Variants in USP11 observed in about 807,000 individuals in gnomAD.
USP11 encodes ubiquitin carboxyl-terminal hydrolase 11.
In USP11, 5 loss-of-function variants were observed where a neutral mutation model predicts 72.8. The observed-to-expected ratio is 0.07, with a 90% CI of 0.04 to 0.14. The LOEUF (loss-of-function observed/expected upper bound fraction) is 0.14, where lower values mean the gene tolerates loss of function less well. Ranked by LOEUF, USP11 falls within the 10% of genes least tolerant of loss-of-function variation. The pLI is 1.00. For synonymous variants in USP11, 368 were observed against 326.5 expected (o/e 1.13, Z -1.37); for missense variants, 480 against 794.7 (o/e 0.60, Z 4.76).
At chrX:47,234,309 CAT>C (rs969063912) in intron 1 of USP11, among the ~76,000 whole-genome samples, 1 of 111,570 alleles carries the variant, frequency 9.0e-6, no homozygotes, top group African/African-American at 3.3e-5. Context: ...CTAAATGCAA[CAT>C]GTGATCCTCG....
rs1171048867 is a variant in USP11, at chrX:47,247,215, C to T, written c.2414C>T (p.Pro805Leu). The T allele has an allele frequency of 8.3e-7, 1 of 1,208,334 alleles. No homozygotes were observed. The highest frequency in any genetic ancestry group is 1.1e-6 in the Non-Finnish European group (1 of 894,825). ...REKLDTLVEF[P>L]IRDLDFSEFV... ...AAGCTGGACACCCTCGTGGAGTTTC[C>T]TATCCGGTCAGGGGCCAGGGAGAGG... The change falls in exon 18 of 21, where the codon CCT becomes CTT. Residue 805 changes from proline (P) to leucine (L), a missense_variant. Around this residue, in one of 5 missense-constraint regions of USP11, gnomAD observed 314 missense variants for 556.0 expected, o/e 0.56. Coordinates refer to ENST00000377107, the MANE Select transcript of USP11 (RefSeq NM_001371072.1).
At chrX:47,245,334 A>C in intron 16 of USP11, 36 bp from the exon 17 acceptor site, 1 of 1,140,442 alleles carries the variant, frequency 8.8e-7, no homozygotes, top group Non-Finnish European at 1.2e-6. Flanking sequence ...CTGTCCTCAC[A>C]GCCGGCCATC....
intron 1 of USP11, among the ~76,000 whole-genome samples, chrX:47,237,291 G>A (rs1272951878): frequency 9.0e-6 from 1 of 110,843 alleles, no homozygotes; most frequent in Non-Finnish European, 1.9e-5. Context: ...TTGAGCCACC[G>A]GCACAGAAGG....
At chrX:47,233,518 G>A in intron 1 of USP11, 1 of 938,418 alleles carries the variant, frequency 1.1e-6, no homozygotes, top group Non-Finnish European at 1.3e-6. Context: ...AAACTGCGTA[G>A]GAACCTGGGA....
At position 47,241,604 on chromosome X, in the gene USP11, C is replaced by T; in HGVS notation, c.1084C>T (p.Leu362=). Residue 362 remains leucine, a synonymous_variant, in exon 9 of 21, where the codon CTG becomes TTG. Coordinates refer to ENST00000377107, the MANE Select transcript of USP11 (RefSeq NM_001371072.1). ...CCAGCAGCATGACTCTCAGGAGCTGCTGTCATTCCTCCTGGACGGGCTGCA... is the reference window on the plus strand; with the variant it reads ...CCAGCAGCATGACTCTCAGGAGCTGTTGTCATTCCTCCTGGACGGGCTGCA... The part of the protein sequence containing the change: ...GYQQHDSQEL[L]SFLLDGLHED... 8.3e-7 allele frequency: 1 copy of T among 1,210,870 alleles called. No individual in the cohort carries two copies. The highest frequency in any genetic ancestry group is 2.3e-4 in the Middle Eastern group (1 of 4,347).
chrX:47,239,409 C>G lies in USP11; in HGVS notation c.345C>G (p.Leu115=), dbSNP rs1369994956. 2 of 1,209,840 alleles carry G rather than the reference C, an allele frequency of 1.7e-6. No homozygotes were observed. Among genetic ancestry groups the G allele is most frequent in the African/African-American group, 3.5e-5 (2 of 57,274 alleles). Residue 115 remains leucine (L), a synonymous_variant, in exon 3 of 21, where the codon CTC becomes CTG. Transcript: ENST00000377107. ...TGGAAGGCGAGGATTATGTGCTGCT[C>G]CCAGCAGCTGCTTGGCATTACCTGG... ...GLVEGEDYVL[L]PAAAWHYLVS...
chrX:47,236,073 G>A (rs2055370609), intron 1 of USP11, among the ~76,000 whole-genome samples: 2 of 111,774 alleles, frequency 1.8e-5, no homozygotes, highest in African/African-American at 6.5e-5. Flanking sequence ...GAACTAGGGA[G>A]AGGTTGTGGT....
In USP11 at chrX:47,247,719, T is replaced by TCCTCCCCTTCTTCCTTTCTGATTCCA; in HGVS notation, c.2625+28_2626-41dup. 5 of 1,208,363 alleles carry TCCTCCCCTTCTTCCTTTCTGATTCCA rather than the reference T, an allele frequency of 4.1e-6. No homozygotes were observed. Among genetic ancestry groups the TCCTCCCCTTCTTCCTTTCTGATTCCA allele is most frequent in the Non-Finnish European group, 5.6e-6 (5 of 893,954 alleles). On this transcript the variant is annotated intron_variant, in intron 20 of 20. Coordinates refer to ENST00000377107, the MANE Select transcript of USP11 (RefSeq NM_001371072.1). ...ATCGAGGTGTGACTTCCATCCTACC[T>TCCTCCCCTTCTTCCTTTCTGATTCCA]CCTCCCCTTCTTCCTTTCTGATTCC...
At position 47,233,036 on chromosome X, in the gene USP11, G is replaced by A; in HGVS notation, c.-8G>A. 2.5e-6 allele frequency: 3 copies of A among 1,211,486 alleles called. No homozygotes were observed. The highest frequency in any genetic ancestry group is 1.1e-6 in the Non-Finnish European group (1 of 895,315). Reference sequence around the variant, plus strand: ...AGCTGCGTTGGCTGTAGAAGAGAACGGACGGCGATGGCGACGGTCGCAGCA... The same window carrying A: ...AGCTGCGTTGGCTGTAGAAGAGAACAGACGGCGATGGCGACGGTCGCAGCA... On this transcript the variant is annotated 5_prime_UTR_variant, in exon 1 of 21. Coordinates refer to ENST00000377107, the MANE Select transcript of USP11 (RefSeq NM_001371072.1).
intron 1 of USP11, among the ~76,000 whole-genome samples, chrX:47,238,506 T>TTA (rs2147350264): frequency 9.4e-6 from 1 of 105,827 alleles, no homozygotes; most frequent in African/African-American, 3.4e-5. Flanking sequence ...TTTTTTTTTT[T>TTA]TTTTTCAGTA....
intron 9 of USP11, 41 bp from the exon 10 acceptor site, chrX:47,242,041 C>A (rs750811001): frequency 1.7e-6 from 2 of 1,182,746 alleles, no homozygotes; most frequent in Admixed American, 2.3e-5. Context: ...TTTCCTCTTA[C>A]CCTGGGCAAG....
At chrX:47,241,750 C>T in intron 9 of USP11, 51 bp downstream of exon 9, 1 of 1,134,664 alleles carries the variant, frequency 8.8e-7, no homozygotes. Context: ...AGGCCTCTGC[C>T]TCGGGGATTT....
intron 1 of USP11, among the ~76,000 whole-genome samples, chrX:47,238,501 T>G (rs1253473120): frequency 1.9e-5 from 2 of 104,754 alleles, no homozygotes; most frequent in African/African-American, 7.0e-5. Context: ...TTTTTTTTTT[T>G]TTTTTTTTTT....
In USP11 at chrX:47,248,234, A is replaced by T. The variant is rs2055447964; in HGVS notation, c.*304A>T. 3.4e-6 allele frequency: 1 copy of T among 294,706 alleles called. No individual in the cohort carries two copies. Among genetic ancestry groups the T allele is most frequent in the African/African-American group, 2.8e-5 (1 of 35,717 alleles). 24.3% of individuals were successfully genotyped at this position (294,706 alleles called of 1,213,427 possible). A position where few individuals can be genotyped will look rare whatever the true frequency, so the allele number is the denominator to read the frequency against. On this transcript the variant is annotated 3_prime_UTR_variant, in exon 21 of 21. Transcript: ENST00000377107. ...CCCAGAGTGTTCTGCGTGGGTGGTGATGGGGGTTCACCTGAACACAGAGTG... is the reference window on the plus strand; with the variant it reads ...CCCAGAGTGTTCTGCGTGGGTGGTGTTGGGGGTTCACCTGAACACAGAGTG...
Position 47,244,087 on chromosome X carries a change from C to T in USP11, c.1791-411C>T, listed in dbSNP as rs190242374. 8.4e-3 allele frequency among the ~76,000 whole-genome samples: 890 copies of T among 106,516 alleles called. 9 individuals carry two copies. The highest frequency in any genetic ancestry group is 0.029 in the African/African-American group (827 of 28,542). 92.5% of individuals were successfully genotyped at this position (106,516 alleles called of 115,157 possible). ...AGTGGCTTATTAGAGTAAAAGTCCA[C>T]GCTCCATACCTTTTTTTTTTTTTTT... is the stretch of plus-strand genomic sequence containing the variant. On this transcript the variant is annotated intron_variant, in intron 13 of 20. Transcript: ENST00000377107.
intron 17 of USP11, 115 bp from the exon 18 acceptor site, chrX:47,246,957 G>A (rs2055436700): frequency 2.1e-6 from 2 of 960,654 alleles, no homozygotes; most frequent in Admixed American, 3.9e-5. Flanking sequence ...GGAGGTGGAG[G>A]CTGCAGTGAT....
rs1363179881 is a variant in USP11 at position 47,245,111 on chromosome X, G to A, written c.2157+25G>A. On this transcript the variant is annotated intron_variant, in intron 16 of 20. Transcript: ENST00000377107. ...GGTAAATGAGATCCCAGGGATGGGG[G>A]GTACTTCCAGCTCTTGCCCCTCAAC... is the stretch of plus-strand genomic sequence containing the variant. 5.8e-6 allele frequency: 7 copies of A among 1,201,405 alleles called. No homozygotes were observed. In the South Asian group the frequency reaches 1.1e-4, roughly 18 times the overall value.
intron 8 of USP11, 27 bp downstream of exon 8, chrX:47,241,477 A>G: frequency 8.4e-7 from 1 of 1,191,158 alleles, no homozygotes. Context: ...GGCACCCCCG[A>G]CCCCCTACGT....
chrX:47,239,338 C>T lies in USP11; in HGVS notation c.287-13C>T, dbSNP rs977690196. The T allele has an allele frequency of 1.5e-5, 18 of 1,207,232 alleles. No homozygotes were observed. The highest frequency in any genetic ancestry group is 2.0e-5 in the Non-Finnish European group (18 of 893,935). On this transcript the variant is annotated splice_polypyrimidine_tract_variant and intron_variant, in intron 2 of 20. Transcript: ENST00000377107. ...TTGATTCTTCCTCTGCCACCTCCACCCCCGCCCCACAGATGAGATAAACTG... is the reference window on the plus strand; with the variant it reads ...TTGATTCTTCCTCTGCCACCTCCACTCCCGCCCCACAGATGAGATAAACTG...
Sources: allele counts gnomAD v4.1 joint callset (sites outside exome capture counted in the v4.1 genomes callset), GRCh38; gene constraint gnomAD v4.1.1; regional missense constraint gnomAD v4.1.1; transcripts MANE v1.5; gene names NCBI Gene and HGNC (gene_info 2026-07-23, HGNC 2026-07-21).